The following TASP1 variants were observed in gnomAD, a reference collection of about 807,000 sequenced individuals.
TASP1 encodes taspase 1.
In TASP1, 16 loss-of-function variants were observed where a neutral mutation model predicts 56.6. The observed-to-expected ratio is 0.28, with a 90% CI of 0.19 to 0.43. TASP1 has a LOEUF of 0.43. Among genes scored for constraint, TASP1 ranks in the 20% least tolerant of loss-of-function variants. The pLI is 1.00. For missense variants in TASP1, 393 were observed against 511.6 expected (o/e 0.77, Z 2.24); for synonymous variants, 179 against 184.2 (o/e 0.97, Z 0.23).
intron 5 of TASP1, among the ~76,000 whole-genome samples, chr20:13,585,781 T>C (rs778304650): frequency 6.6e-6 from 1 of 152,156 alleles, no homozygotes; most frequent in Non-Finnish European, 1.5e-5. Context: ...ACTGCAACAA[T>C]TACTTTTGAA....
the TASP1 span, among the ~76,000 whole-genome samples, chr20:13,287,625 C>G: frequency 7.9e-5 from 12 of 152,152 alleles, no homozygotes; most frequent in Non-Finnish European, 1.8e-4. Context: ...TCTCTTTTCT[C>G]ACTAAAATAT....
the TASP1 span, among the ~76,000 whole-genome samples, chr20:13,309,430 A>G: frequency 6.6e-6 from 1 of 152,298 alleles, no homozygotes; most frequent in East Asian, 1.9e-4. Context: ...CCTCAACACA[A>G]TCAAGACCAT....
At chr20:13,298,859 G>A in the TASP1 span, 1 of 1,431,238 alleles carries the variant, frequency 7.0e-7, no homozygotes, top group African/African-American at 1.4e-5. Context: ...CTCAGGAGCA[G>A]CCTGGTGTCA....
rs549922942 is a variant in TASP1, at chr20:13,422,342, C to G, written c.1097-4821G>C. On this transcript the variant is annotated intron_variant, in intron 12 of 13. Transcript: ENST00000337743. ...CATGCCCATAAATTTCTTTGGCTTT[C>G]AAGTTACACAATAATGCTGTCCTCT... Among the ~76,000 whole-genome samples, 687 of 152,254 alleles carry G rather than the reference C, an allele frequency of 4.5e-3. 3 individuals carry two copies. The highest frequency in any genetic ancestry group is 7.6e-3 in the Non-Finnish European group (519 of 68,024).
intron 11 of TASP1, among the ~76,000 whole-genome samples, chr20:13,467,186 T>TACACAC (rs3042647): frequency 0.24 from 35,128 of 146,614 alleles, 4,255 homozygotes; most frequent in Middle Eastern, 0.3. Flanking sequence ...ACACATACAA[T>TACACAC]ACACACACAC....
At chr20:13,348,950 G>A in the TASP1 span, among the ~76,000 whole-genome samples, 11 of 152,176 alleles carry the variant, frequency 7.2e-5, no homozygotes, top group Admixed American at 4.6e-4. Context: ...CCCCCAACAT[G>A]CTGGTATTTT....
chr20:13,516,681 A>G (rs1449172482), intron 10 of TASP1, among the ~76,000 whole-genome samples: 1 of 128,044 alleles, frequency 7.8e-6, no homozygotes, highest in Non-Finnish European at 1.7e-5. Context: ...TTTTTTTTTA[A>G]CATTTCTTCA....
At chr20:13,477,860 CT>C (rs2042998263) in intron 11 of TASP1, among the ~76,000 whole-genome samples, 2 of 152,098 alleles carry the variant, frequency 1.3e-5, no homozygotes, top group Non-Finnish European at 1.5e-5. Context: ...TGGTTATTCT[CT>C]TTTATGCTTC....
At chr20:13,304,743 T>A in the TASP1 span, among the ~76,000 whole-genome samples, 1 of 152,106 alleles carries the variant, frequency 6.6e-6, no homozygotes, top group African/African-American at 2.4e-5. Context: ...CCCTCACCCC[T>A]CGAGTGGGGC....
At chr20:13,406,604 T>C (rs944226413) in intron 13 of TASP1, among the ~76,000 whole-genome samples, 4 of 152,104 alleles carry the variant, frequency 2.6e-5, no homozygotes, top group African/African-American at 4.8e-5. Flanking sequence ...AGGTTTTTGA[T>C]AGATGACGCC....
intron 11 of TASP1, among the ~76,000 whole-genome samples, chr20:13,482,614 ATCTT>A (rs1286045695): frequency 1.3e-5 from 2 of 152,084 alleles, no homozygotes; most frequent in Non-Finnish European, 2.9e-5. Context: ...AGTTACAGAG[ATCTT>A]TCTAAGTAGT....
At chr20:13,339,430 CTTCT>C in the TASP1 span, among the ~76,000 whole-genome samples, 1 of 152,142 alleles carries the variant, frequency 6.6e-6, no homozygotes, top group Non-Finnish European at 1.5e-5. Context: ...CATTTTTCAC[CTTCT>C]TTATTTGTTT....
At chr20:13,591,332 T>C (rs1469025671) in intron 4 of TASP1, among the ~76,000 whole-genome samples, 4 of 151,890 alleles carry the variant, frequency 2.6e-5, no homozygotes, top group African/African-American at 9.7e-5. Context: ...CAATAAAATC[T>C]TAAGAGCAAC....
the TASP1 span, among the ~76,000 whole-genome samples, chr20:13,206,912 T>C: frequency 6.6e-6 from 1 of 152,132 alleles, no homozygotes; most frequent in Non-Finnish European, 1.5e-5. Context: ...AATATTAGGT[T>C]AATAATAATG....
At chr20:13,185,598 T>C in the TASP1 span, among the ~76,000 whole-genome samples, 2 of 152,186 alleles carry the variant, frequency 1.3e-5, no homozygotes, top group African/African-American at 4.8e-5. Context: ...TTAATTTTTG[T>C]TGCACACCTG....
intron 8 of TASP1, among the ~76,000 whole-genome samples, chr20:13,539,871 A>G (rs1037440599): frequency 1.2e-4 from 19 of 152,184 alleles, no homozygotes; most frequent in Non-Finnish European, 2.5e-4. Context: ...TCTTTTAAAT[A>G]ATGAATTGGA....
At chr20:13,546,989 C>A (rs543280731) in intron 8 of TASP1, among the ~76,000 whole-genome samples, 17 of 152,036 alleles carry the variant, frequency 1.1e-4, no homozygotes, top group Non-Finnish European at 2.4e-4. Flanking sequence ...AGATTTTAAA[C>A]CTATTGGAAG....
intron 13 of TASP1, among the ~76,000 whole-genome samples, chr20:13,409,294 G>T (rs530225470): frequency 6.6e-6 from 1 of 151,916 alleles, no homozygotes; most frequent in Admixed American, 6.5e-5. Flanking sequence ...TTTTATTCAA[G>T]TCATTTACTA....
chr20:13,164,750 G>C, the TASP1 span: 1 of 1,611,702 alleles, frequency 6.2e-7, no homozygotes, highest in Non-Finnish European at 8.5e-7. Context: ...CAATCTCATT[G>C]CAGGTTTTAG....
Sources: allele counts gnomAD v4.1 joint callset (sites outside exome capture counted in the v4.1 genomes callset), GRCh38; gene constraint gnomAD v4.1.1; transcripts MANE v1.5; gene names NCBI Gene and HGNC (gene_info 2026-07-23, HGNC 2026-07-21).